The following MED15 variants were observed in gnomAD, a reference collection of about 807,000 sequenced individuals.
MED15 encodes mediator of RNA polymerase II transcription subunit 15.
A neutral mutation model predicts 118.7 loss-of-function variants in MED15; 41 were observed. The ratio of observed to expected loss-of-function variants is 0.35; its 90% CI spans 0.27 to 0.45. The LOEUF is 0.45. MED15 is among the 20% of genes least tolerant of loss of function. The pLI, the probability that MED15 is intolerant of heterozygous loss-of-function variation, is 1.00. For synonymous variants in MED15, 436 were observed against 413.9 expected (o/e 1.05, Z -0.65); for missense variants, 740 against 1,025.5 (o/e 0.72, Z 3.80).
chr22:20,585,349 G>A (rs2057103665), intron 16 of MED15, 82 bp downstream of exon 16: 1 of 1,544,466 alleles, frequency 6.5e-7, no homozygotes, highest in Non-Finnish European at 8.8e-7. Context: ...AAGCCAGATG[G>A]CACAGCGCCC....
chr22:20,560,858 T>A (rs956204884), intron 5 of MED15, among the ~76,000 whole-genome samples: 2 of 152,200 alleles, frequency 1.3e-5, no homozygotes, highest in Non-Finnish European at 2.9e-5. Flanking sequence ...TTGGAGGCTG[T>A]ATCCCTAGCC....
chr22:20,535,969 C>T lies in MED15; in HGVS notation c.69-1148C>T, dbSNP rs2055066214. ...CTCGGCTCACTGCAACCTCCACCTC[C>T]CGGTTCAAGCGATTCTCCTGCCTCA... On this transcript the variant is annotated intron_variant, in intron 1 of 17. Coordinates refer to ENST00000263205, the MANE Select transcript of MED15 (RefSeq NM_001003891.3). Among the ~76,000 whole-genome samples, 3 of 151,212 alleles carry T rather than the reference C, an allele frequency of 2.0e-5. No homozygotes were observed. The South Asian group carries it at 6.3e-4, about 32-fold the overall frequency.
intron 9 of MED15, among the ~76,000 whole-genome samples, chr22:20,580,733 A>G (rs1250585429): frequency 6.6e-6 from 1 of 152,128 alleles, no homozygotes; most frequent in Non-Finnish European, 1.5e-5. Flanking sequence ...GGTGTCTGGG[A>G]CATGCCCTTA....
intron 9 of MED15, among the ~76,000 whole-genome samples, chr22:20,576,597 C>T (rs1463448647): frequency 6.6e-6 from 1 of 152,244 alleles, no homozygotes; most frequent in Non-Finnish European, 1.5e-5. Context: ...CAGGGACTTC[C>T]TTTTTAGTAG....
At chr22:20,556,032 A>G (rs537480055) in intron 5 of MED15, among the ~76,000 whole-genome samples, 7 of 152,294 alleles carry the variant, frequency 4.6e-5, no homozygotes, top group African/African-American at 1.7e-4. Flanking sequence ...CTTAGGACCT[A>G]TCTTGATGTA....
intron 1 of MED15, among the ~76,000 whole-genome samples, chr22:20,512,784 TCA>T (rs1246178083): frequency 1.3e-5 from 2 of 149,390 alleles, no homozygotes; most frequent in Non-Finnish European, 3.0e-5. Flanking sequence ...AGACAGAGTC[TCA>T]CTCTGGAGTG....
intron 1 of MED15, among the ~76,000 whole-genome samples, chr22:20,535,521 C>A (rs1489057734): frequency 6.6e-6 from 1 of 152,088 alleles, no homozygotes. Context: ...GGCCCCAGAG[C>A]CCTGACATGT....
intron 2 of MED15, among the ~76,000 whole-genome samples, chr22:20,543,508 G>T (rs891755516): frequency 6.7e-6 from 1 of 149,876 alleles, no homozygotes. Context: ...CACCATGCCC[G>T]GCCTCCTCTT....
intron 8 of MED15, among the ~76,000 whole-genome samples, chr22:20,573,341 A>C (rs1447612273): frequency 6.6e-6 from 1 of 152,014 alleles, no homozygotes; most frequent in Non-Finnish European, 1.5e-5. Flanking sequence ...TGAAAACCAA[A>C]CTCTAATTTA....
chr22:20,561,306 G>A (rs1417431141), intron 5 of MED15, among the ~76,000 whole-genome samples: 1 of 152,142 alleles, frequency 6.6e-6, no homozygotes, highest in African/African-American at 2.4e-5. Flanking sequence ...AGATCACGAG[G>A]TCAGGAGATT....
chr22:20,509,493 T>C (rs2053989422), intron 1 of MED15, among the ~76,000 whole-genome samples: 1 of 150,794 alleles, frequency 6.6e-6, no homozygotes, highest in South Asian at 2.1e-4. Context: ...TATAAAGGCC[T>C]GCATTAGACA....
chr22:20,514,536 A>C (rs1443306786), intron 1 of MED15, among the ~76,000 whole-genome samples: 1 of 152,182 alleles, frequency 6.6e-6, no homozygotes, highest in Non-Finnish European at 1.5e-5. Flanking sequence ...CCATTGGGCA[A>C]AACAATACAG....
At chr22:20,530,610 G>T (rs1429028177) in intron 1 of MED15, among the ~76,000 whole-genome samples, 1 of 152,158 alleles carries the variant, frequency 6.6e-6, no homozygotes, top group African/African-American at 2.4e-5. Context: ...GTGGGGTCAG[G>T]GGAGAGGCCT....
intron 1 of MED15, among the ~76,000 whole-genome samples, chr22:20,528,236 G>A (rs1474447172): frequency 6.6e-6 from 1 of 152,106 alleles, no homozygotes; most frequent in African/African-American, 2.4e-5. Flanking sequence ...CTTGTCGACT[G>A]GGAACTTCAT....
rs532594122 is a variant in MED15, at chr22:20,514,879, A to G, written c.68+7133A>G. Among the ~76,000 whole-genome samples, 5 of 152,338 alleles carry G rather than the reference A, an allele frequency of 3.3e-5. No individual in the cohort carries two copies. The South Asian group carries it at 1.0e-3, about 32-fold the overall frequency. On this transcript the variant is annotated intron_variant, in intron 1 of 17. Transcript: ENST00000263205. Reference sequence around the variant, plus strand: ...TTTTTCTGTGGCTTTTCCCACTCACAGCTCTGTGCCCTTCTGGTGCAGCTC... The same window carrying G: ...TTTTTCTGTGGCTTTTCCCACTCACGGCTCTGTGCCCTTCTGGTGCAGCTC...
chr22:20,552,787 G>A (rs1055269481), intron 3 of MED15: 10 of 289,578 alleles, frequency 3.5e-5, no homozygotes, highest in Admixed American at 9.9e-5. Context: ...CAGCCCCGCC[G>A]TGGGTTCCTG....
At chr22:20,570,857 C>T (rs1202652610) in intron 8 of MED15, among the ~76,000 whole-genome samples, 1 of 146,078 alleles carries the variant, frequency 6.8e-6, no homozygotes, top group Non-Finnish European at 1.5e-5. Flanking sequence ...CCTCTGTCTC[C>T]CAGGTTCAAG....
chr22:20,516,656 C>T (rs1008166175), intron 1 of MED15, among the ~76,000 whole-genome samples: 1 of 151,238 alleles, frequency 6.6e-6, no homozygotes, highest in Non-Finnish European at 1.5e-5. Context: ...CTGGGCATCC[C>T]GAGGTAGGAA....
At chr22:20,557,732 G>A (rs189092428) in intron 5 of MED15, among the ~76,000 whole-genome samples, 61 of 152,240 alleles carry the variant, frequency 4.0e-4, no homozygotes, top group Non-Finnish European at 7.6e-4. Context: ...TCCTGCCCAC[G>A]CCCTCCCCAG....
Sources: allele counts gnomAD v4.1 joint callset (sites outside exome capture counted in the v4.1 genomes callset), GRCh38; gene constraint gnomAD v4.1.1; transcripts MANE v1.5; gene names NCBI Gene and HGNC (gene_info 2026-07-23, HGNC 2026-07-21).